The following SVIL variants were observed in gnomAD, a reference collection of about 807,000 sequenced individuals.
SVIL encodes the protein archvillin.
A neutral mutation model predicts 240.4 loss-of-function variants in SVIL; 101 were observed. The observed-to-expected ratio is 0.42, with a 90% CI of 0.36 to 0.50. The LOEUF is 0.50. Ranked by LOEUF, SVIL falls within the 20% of genes least tolerant of loss-of-function variation. The probability of loss-of-function intolerance (pLI) is 0.01; values close to 1 mark genes in which losing one functional copy is unlikely to be tolerated. For synonymous variants in SVIL, 999 were observed against 1,100.0 expected, an observed-to-expected ratio of 0.91 and a Z score of 1.82; for missense variants, 2,512 against 2,818.7, an observed-to-expected ratio of 0.89 and a Z score of 2.46.
chr10:29,719,526 G>A (rs1273316156), intron 1 of SVIL, among the ~76,000 whole-genome samples: 1 of 152,162 alleles, frequency 6.6e-6, no homozygotes, highest in Admixed American at 6.5e-5. Flanking sequence ...AACCCACAAC[G>A]AGGAGCAATG....
intron 5 of SVIL, among the ~76,000 whole-genome samples, chr10:29,553,296 T>C (rs1953551242): frequency 6.6e-6 from 1 of 151,986 alleles, no homozygotes; most frequent in Non-Finnish European, 1.5e-5. Context: ...AGCAGCAGCA[T>C]GGCCGGGCAC....
chr10:29,528,286 G>A (rs1285017984), intron 12 of SVIL, among the ~76,000 whole-genome samples: 2 of 152,158 alleles, frequency 1.3e-5, no homozygotes, highest in Non-Finnish European at 2.9e-5. Flanking sequence ...ACTCGGGGAG[G>A]AACTGTAGGC....
intron 1 of SVIL, among the ~76,000 whole-genome samples, chr10:29,701,896 G>T (rs916280668): frequency 1.3e-5 from 2 of 152,032 alleles, no homozygotes; most frequent in Non-Finnish European, 2.9e-5. Flanking sequence ...GCTATAGGCT[G>T]GGCGCGGTGG....
intron 1 of SVIL, among the ~76,000 whole-genome samples, chr10:29,571,362 C>CA (rs1955408713): frequency 6.6e-6 from 1 of 152,202 alleles, no homozygotes; most frequent in Non-Finnish European, 1.5e-5. Context: ...GACAGTGCTG[C>CA]AACCTAACCA....
Position 29,463,587 on chromosome 10 carries a change from C to T in SVIL, c.6182G>A (p.Trp2061Ter). 4 of 1,614,160 alleles carry T rather than the reference C, an allele frequency of 2.5e-6. No homozygotes were observed. Among genetic ancestry groups the T allele is most frequent in the Non-Finnish European group, 3.4e-6 (4 of 1,180,036 alleles). ...AGTGATCTTGTTCTCGATGGGCCAC[C>T]AGCCTTGCCAGAGGTACACCTCGTG... Reference protein sequence around the residue: ...NHHEVYLWQGWWPIENKITGS... With the variant: ...NHHEVYLWQG Residue 2061 changes from tryptophan to a stop codon, truncating the protein, a stop_gained, in exon 35 of 38, where the codon TGG (tryptophan) becomes TAG (stop). Transcript: ENST00000355867. LOFTEE classifies it high-confidence loss of function.
intron 1 of SVIL, among the ~76,000 whole-genome samples, chr10:29,586,470 GACTTATTCC>G (rs1956170071): frequency 6.6e-6 from 1 of 152,056 alleles, no homozygotes; most frequent in Non-Finnish European, 1.5e-5. Context: ...TAATGCAAGT[GACTTATTCC>G]ACTTAGCTCA....
intron 17 of SVIL, among the ~76,000 whole-genome samples, chr10:29,502,053 A>C (rs1422232684): frequency 6.6e-6 from 1 of 152,248 alleles, no homozygotes; most frequent in East Asian, 1.9e-4. Context: ...CAATGGATAC[A>C]AACTTTGGGA....
At chr10:29,580,736 G>A (rs1358069102) in intron 1 of SVIL, among the ~76,000 whole-genome samples, 3 of 152,100 alleles carry the variant, frequency 2.0e-5, no homozygotes, top group Non-Finnish European at 4.4e-5. Flanking sequence ...GTACAAACAC[G>A]GCTCATTGCA....
chr10:29,657,692 G>T (rs1010377983), intron 3 of SVIL, among the ~76,000 whole-genome samples: 1 of 152,152 alleles, frequency 6.6e-6, no homozygotes, highest in Admixed American at 6.5e-5. Flanking sequence ...AAGCTTTCCT[G>T]TTCTTTCCTG....
intron 1 of SVIL, among the ~76,000 whole-genome samples, chr10:29,728,537 G>T (rs755273115): frequency 8.5e-5 from 13 of 152,056 alleles, no homozygotes; most frequent in Non-Finnish European, 1.6e-4. Context: ...AAGGGAGAAG[G>T]GTTTGCAAAT....
chr10:29,714,948 T>TAAAAAAAAAA (rs61107910), intron 1 of SVIL, among the ~76,000 whole-genome samples: 10 of 78,202 alleles, frequency 1.3e-4, no homozygotes, highest in Non-Finnish European at 1.6e-4. Flanking sequence ...TGTCTGAAAT[T>TAAAAAAAAAA]AAAAAAAAAA....
intron 17 of SVIL, among the ~76,000 whole-genome samples, chr10:29,511,537 C>T (rs1326087076): frequency 1.3e-5 from 2 of 151,828 alleles, no homozygotes; most frequent in African/African-American, 2.4e-5. Context: ...ATAAAGTTTG[C>T]GGGTAGCAGG....
intron 1 of SVIL, among the ~76,000 whole-genome samples, chr10:29,689,576 G>A (rs1052333112): frequency 5.3e-5 from 8 of 152,272 alleles, no homozygotes; most frequent in South Asian, 2.1e-4. Flanking sequence ...GAGCCACCGC[G>A]CCCAGCCGAG....
intron 1 of SVIL, among the ~76,000 whole-genome samples, chr10:29,581,543 T>G (rs543682775): frequency 4.3e-4 from 66 of 152,368 alleles, no homozygotes; most frequent in African/African-American, 1.5e-3. Flanking sequence ...CACAGCTATT[T>G]TTTCTTTATC....
At chr10:29,693,940 T>C (rs538073326) in intron 1 of SVIL, among the ~76,000 whole-genome samples, 8 of 151,640 alleles carry the variant, frequency 5.3e-5, no homozygotes, top group East Asian at 1.9e-4. Flanking sequence ...TAGATACATA[T>C]ATACATACAT....
chr10:29,712,921 A>T (rs1313686182), intron 1 of SVIL, among the ~76,000 whole-genome samples: 1 of 152,184 alleles, frequency 6.6e-6, no homozygotes, highest in Non-Finnish European at 1.5e-5. Context: ...TCAGGCCTGT[A>T]ATCCCAGCAC....
Position 29,524,684 on chromosome 10 carries a change from C to A in SVIL, c.2374G>T (p.Ala792Ser). The change falls in exon 14 of 38, where the codon GCC becomes TCC. Residue 792 changes from alanine to serine, a missense_variant. Coordinates refer to ENST00000355867, the MANE Select transcript of SVIL (RefSeq NM_021738.3). ...LQASAHQKAL[A>S]KDQTNEGKEL... ...TTGCCCTCATTTGTCTGGTCCTTGG[C>A]TAAGGCCTTTTGGTGAGCAGAGGCC... is the stretch of plus-strand genomic sequence containing the variant. 1.9e-6 allele frequency: 3 copies of A among 1,614,146 alleles called. No homozygotes were observed. Among genetic ancestry groups the A allele is most frequent in the Non-Finnish European group, 2.5e-6 (3 of 1,180,014 alleles).
chr10:29,619,558 C>T (rs1199390395), intron 1 of SVIL, among the ~76,000 whole-genome samples: 2 of 152,174 alleles, frequency 1.3e-5, no homozygotes, highest in Non-Finnish European at 2.9e-5. Flanking sequence ...CCCTGCTTTC[C>T]AAAGCCCACC....
chr10:29,582,464 C>T (rs1469542722), intron 1 of SVIL, among the ~76,000 whole-genome samples: 4 of 152,078 alleles, frequency 2.6e-5, no homozygotes, highest in East Asian at 3.9e-4. Context: ...TTCCCAGGAA[C>T]GGTGGCTCAC....
Sources: gnomAD v4.1 joint callset for allele counts (sites outside exome capture counted in the v4.1 genomes callset) on GRCh38, gnomAD v4.1.1 for gene constraint, MANE v1.5 for transcripts, NCBI Gene and HGNC (gene_info 2026-07-23, HGNC 2026-07-21) for gene names.